BCL2L13: variants seen among roughly 807,000 people sequenced by gnomAD.
The protein encoded by BCL2L13 is bcl-2-like protein 13.
Under a neutral mutation model 25.8 loss-of-function variants are expected in BCL2L13, and 13 were observed. The ratio of observed to expected loss-of-function variants is 0.50; its 90% CI spans 0.33 to 0.80. The LOEUF is 0.80. Among genes scored for constraint, BCL2L13 ranks in the 30% least tolerant of loss-of-function variants. The probability of loss-of-function intolerance (pLI) is 0.02; values close to 1 mark genes in which losing one functional copy is unlikely to be tolerated. For missense variants in BCL2L13, 504 were observed against 574.9 expected, an observed-to-expected ratio of 0.88 and a Z score of 1.26; for synonymous variants, 244 against 230.3, an observed-to-expected ratio of 1.06 and a Z score of -0.54.
chr22:17,652,925 C>T (rs1240087681), intron 1 of BCL2L13, among the ~76,000 whole-genome samples: 4 of 151,488 alleles, frequency 2.6e-5, no homozygotes, highest in Non-Finnish European at 4.4e-5. Flanking sequence ...ATTAGCCGGG[C>T]GTGGTGGCGG....
chr22:17,663,536 TAC>T (rs2059136973), intron 2 of BCL2L13, among the ~76,000 whole-genome samples: 1 of 152,206 alleles, frequency 6.6e-6, no homozygotes, highest in Non-Finnish European at 1.5e-5. Context: ...TATCAGTATA[TAC>T]AGTTTTATGT....
chr22:17,638,652 G>T (rs571194902), upstream of BCL2L13: 1 of 1,228,780 alleles, frequency 8.1e-7, no homozygotes, highest in East Asian at 3.2e-5. Flanking sequence ...AGACCTCCGG[G>T]GCCTCCGTTG....
intron 6 of BCL2L13, chr22:17,703,168 T>TACACACACACACACACAC (rs1160059436): frequency 4.1e-4 from 56 of 135,252 alleles, no homozygotes; most frequent in African/African-American, 1.5e-3. Context: ...ACAAAATATA[T>TACACACACACACACACAC]ATATACACAC....
At chr22:17,686,454 A>G (rs1429448657) in intron 3 of BCL2L13, among the ~76,000 whole-genome samples, 2 of 151,878 alleles carry the variant, frequency 1.3e-5, no homozygotes, top group Non-Finnish European at 2.9e-5. Context: ...TTTAAAAAAA[A>G]TGAAATGTAC....
intron 5 of BCL2L13, among the ~76,000 whole-genome samples, chr22:17,698,555 T>TG (rs1381220605): frequency 2.3e-4 from 22 of 97,754 alleles, no homozygotes; most frequent in African/African-American, 8.3e-4. Context: ...ACCCTGTCTC[T>TG]TAAAAAAAAA....
At chr22:17,718,335 G>A (rs762391102) in intron 6 of BCL2L13, among the ~76,000 whole-genome samples, 2 of 152,152 alleles carry the variant, frequency 1.3e-5, no homozygotes, top group Non-Finnish European at 2.9e-5. Flanking sequence ...ATAGATGCTA[G>A]CCAAAATATT....
intron 2 of BCL2L13, among the ~76,000 whole-genome samples, chr22:17,668,594 C>T (rs908045790): frequency 3.3e-5 from 5 of 151,946 alleles, no homozygotes; most frequent in Non-Finnish European, 5.9e-5. Context: ...GCTGGGATTA[C>T]AGGCATGCAC....
intron 2 of BCL2L13, among the ~76,000 whole-genome samples, chr22:17,670,998 C>T (rs2059398694): frequency 6.6e-6 from 1 of 152,154 alleles, no homozygotes; most frequent in Non-Finnish European, 1.5e-5. Flanking sequence ...TAGTGGCTCA[C>T]ACCTGTAATG....
chr22:17,711,303 C>CTTTTTTTTTTTT (rs2060751798), intron 6 of BCL2L13, among the ~76,000 whole-genome samples: 1 of 101,968 alleles, frequency 9.8e-6, no homozygotes, highest in African/African-American at 4.3e-5. Context: ...TCATGATGGG[C>CTTTTTTTTTTTT]CTTTTTTTTT....
chr22:17,694,205 T>C (rs1207127125), intron 4 of BCL2L13, among the ~76,000 whole-genome samples: 1 of 151,266 alleles, frequency 6.6e-6, no homozygotes, highest in Non-Finnish European at 1.5e-5. Context: ...GGTCCCCAAG[T>C]CTTTTGTTTT....
intron 6 of BCL2L13, among the ~76,000 whole-genome samples, chr22:17,725,857 G>C (rs1483774582): frequency 6.6e-6 from 1 of 150,498 alleles, no homozygotes; most frequent in Non-Finnish European, 1.5e-5. Flanking sequence ...CTTTTTGTAT[G>C]CACCTTATAC....
At position 17,719,839 on chromosome 22, in the gene BCL2L13, A is replaced by AC. The variant is rs2061057062; in HGVS notation, c.601-6838_601-6837insC. Reference sequence around the variant, plus strand: ...TGAGACTCCATCTCAAAAAAAAAAAAAAAAAAAAAAAGAATGAAGTATGGA... The same window carrying AC: ...TGAGACTCCATCTCAAAAAAAAAAAACAAAAAAAAAAAGAATGAAGTATGGA... On this transcript the variant is annotated intron_variant, in intron 6 of 6. Coordinates refer to ENST00000317582, the MANE Select transcript of BCL2L13 (RefSeq NM_015367.4). 3.2e-5 allele frequency among the ~76,000 whole-genome samples: 3 copies of AC among 93,204 alleles called. 1 individual carries two copies. The highest frequency in any genetic ancestry group is 7.4e-5 in the African/African-American group (2 of 27,012). The allele number at this position is 93,204 out of a possible 152,430, so 61.1% of individuals were successfully genotyped here. A position where few individuals can be genotyped will look rare whatever the true frequency, so the allele number is the denominator to read the frequency against.
At chr22:17,657,709 G>A (rs1424201684) in intron 2 of BCL2L13, among the ~76,000 whole-genome samples, 2 of 151,426 alleles carry the variant, frequency 1.3e-5, no homozygotes, top group Middle Eastern at 3.4e-3. Context: ...GTAGAGATGG[G>A]GTTTCACTCT....
intron 1 of BCL2L13, among the ~76,000 whole-genome samples, chr22:17,655,176 C>T (rs1418525736): frequency 1.3e-5 from 2 of 151,982 alleles, no homozygotes; most frequent in South Asian, 2.1e-4. Flanking sequence ...TGTCTTCTAC[C>T]TCCACATCTT....
At chr22:17,711,663 A>G (rs2060766575) in intron 6 of BCL2L13, among the ~76,000 whole-genome samples, 1 of 152,182 alleles carries the variant, frequency 6.6e-6, no homozygotes, top group South Asian at 2.1e-4. Flanking sequence ...CTGTTTACTG[A>G]GAACTAAAAT....
chr22:17,693,927 T>G (rs1204213363), intron 4 of BCL2L13, among the ~76,000 whole-genome samples: 1 of 151,796 alleles, frequency 6.6e-6, no homozygotes, highest in Non-Finnish European at 1.5e-5. Context: ...TTTTTCTAAT[T>G]TTTGTATTTT....
intron 3 of BCL2L13, among the ~76,000 whole-genome samples, chr22:17,685,503 C>T (rs1290863706): frequency 6.6e-6 from 1 of 152,076 alleles, no homozygotes; most frequent in Non-Finnish European, 1.5e-5. Context: ...GGATTACAGG[C>T]GTGAACAACT....
intron 3 of BCL2L13, among the ~76,000 whole-genome samples, chr22:17,685,754 CTTTTTCTTTTT>C (rs2059909937): frequency 1.1e-4 from 6 of 53,996 alleles, no homozygotes; most frequent in African/African-American, 3.2e-4. Flanking sequence ...ATAATTTTTT[CTTTTTCTTTTT>C]TTTTTTTTTT....
In BCL2L13 at chr22:17,730,741, G is replaced by A. The variant is rs1035153744; in HGVS notation, c.*3207G>A. On this transcript the variant is annotated 3_prime_UTR_variant, in exon 7 of 7. Transcript: ENST00000317582. ...AGGCTATCTGATTGCTAACAGACAC[G>A]ACCTAGAGCTTCTGCCCAAATTCCC... 4 of 151,788 alleles carry A rather than the reference G, an allele frequency of 2.6e-5. No homozygotes were observed. The highest frequency in any genetic ancestry group is 4.4e-5 in the Non-Finnish European group (3 of 68,000). The allele number at this position is 151,788 out of a possible 1,614,324, so 9.4% of individuals were successfully genotyped here.
Sources: allele counts gnomAD v4.1 joint callset (sites outside exome capture counted in the v4.1 genomes callset), GRCh38; gene constraint gnomAD v4.1.1; transcripts MANE v1.5; gene names NCBI Gene and HGNC (gene_info 2026-07-23, HGNC 2026-07-21).